The following SRGAP3 variants were observed in gnomAD, a reference collection of about 807,000 sequenced individuals.
The protein encoded by SRGAP3 is SLIT-ROBO Rho GTPase activating protein 3.
SRGAP3 carries 39 observed loss-of-function variants against 121.1 expected under a neutral mutation model. That is an observed-to-expected ratio of 0.32 (90% confidence interval 0.25 to 0.42). The LOEUF (loss-of-function observed/expected upper bound fraction) is 0.42, where lower values mean the gene tolerates loss of function less well. Ranked by LOEUF, SRGAP3 falls within the 10% of genes least tolerant of loss-of-function variation. The pLI, the probability that SRGAP3 is intolerant of heterozygous loss-of-function variation, is 1.00. For synonymous variants in SRGAP3, 601 were observed against 570.0 expected (o/e 1.05, Z -0.77); for missense variants, 1,213 against 1,470.6 (o/e 0.82, Z 2.86).
At chr3:9,227,215 T>A (rs1274097785) in intron 1 of SRGAP3, among the ~76,000 whole-genome samples, 1 of 152,208 alleles carries the variant, frequency 6.6e-6, no homozygotes, top group African/African-American at 2.4e-5. Flanking sequence ...CTCTTCATTT[T>A]TAAGTGTTGG....
chr3:9,261,368 T>C (rs1429093952), intron 3 of SRGAP3, among the ~76,000 whole-genome samples: 1 of 151,956 alleles, frequency 6.6e-6, no homozygotes, highest in Non-Finnish European at 1.5e-5. Context: ...TTAACAGAAG[T>C]AGGCTTCAGA....
chr3:9,270,968 G>A (rs1225376540), intron 3 of SRGAP3, among the ~76,000 whole-genome samples: 2 of 152,188 alleles, frequency 1.3e-5, no homozygotes, highest in Non-Finnish European at 2.9e-5. Flanking sequence ...CCCCTGCAGA[G>A]GATTTTTGTT....
intron 1 of SRGAP3, among the ~76,000 whole-genome samples, chr3:9,206,114 A>C (rs1952258636): frequency 6.6e-6 from 1 of 152,206 alleles, no homozygotes; most frequent in African/African-American, 2.4e-5. Context: ...AAATGGTGAA[A>C]ACTGTACATT....
intron 3 of SRGAP3, among the ~76,000 whole-genome samples, chr3:9,290,077 C>T (rs1189695570): frequency 6.6e-6 from 1 of 151,966 alleles, no homozygotes; most frequent in African/African-American, 2.4e-5. Flanking sequence ...TGCCACTGCA[C>T]TCCAGCCTGG....
chr3:9,329,887 C>T (rs1022894109), intron 2 of SRGAP3, among the ~76,000 whole-genome samples: 1 of 152,176 alleles, frequency 6.6e-6, no homozygotes, highest in Non-Finnish European at 1.5e-5. Flanking sequence ...AACAGAAGAG[C>T]AGTTGACATC....
chr3:9,197,141 A>G (rs1951942146), intron 1 of SRGAP3, among the ~76,000 whole-genome samples: 1 of 152,226 alleles, frequency 6.6e-6, no homozygotes, highest in Non-Finnish European at 1.5e-5. Flanking sequence ...GACAGGGTGT[A>G]CTGGCCTAAA....
intron 3 of SRGAP3, among the ~76,000 whole-genome samples, chr3:9,291,361 C>T (rs182065042): frequency 1.3e-5 from 2 of 152,296 alleles, no homozygotes; most frequent in African/African-American, 2.4e-5. Context: ...TAAGGTATCA[C>T]AAAATCCTGG....
At chr3:9,219,529 G>A (rs1339124825) in intron 1 of SRGAP3, 4 of 152,186 alleles carry the variant, frequency 2.6e-5, no homozygotes, top group Non-Finnish European at 5.9e-5. Context: ...CCTATCTACA[G>A]AATGGAATAC....
At chr3:9,054,086 C>T (rs759159031) in intron 8 of SRGAP3, among the ~76,000 whole-genome samples, 2 of 152,222 alleles carry the variant, frequency 1.3e-5, no homozygotes, top group African/African-American at 2.4e-5. Context: ...TTTCCAAGCT[C>T]ATTCATTTCT....
intron 1 of SRGAP3, among the ~76,000 whole-genome samples, chr3:9,126,265 G>A (rs564247965): frequency 1.9e-4 from 29 of 152,226 alleles, no homozygotes; most frequent in East Asian, 1.7e-3. Context: ...CTGCTCACTC[G>A]TCCAGAATCT....
At chr3:9,119,112 A>ATT (rs1948910638) in intron 2 of SRGAP3, among the ~76,000 whole-genome samples, 4 of 152,234 alleles carry the variant, frequency 2.6e-5, no homozygotes, top group Non-Finnish European at 5.9e-5. Flanking sequence ...AAAGGAGGAC[A>ATT]GACAAGTAAA....
chr3:9,144,891 A>G (rs545337287), intron 1 of SRGAP3, among the ~76,000 whole-genome samples: 244 of 152,364 alleles, frequency 1.6e-3, no homozygotes, highest in Non-Finnish European at 1.9e-3. Context: ...AGAGCATTAA[A>G]TGAGATAATG....
intron 9 of SRGAP3, among the ~76,000 whole-genome samples, chr3:9,052,474 T>C (rs1366657216): frequency 6.6e-6 from 1 of 152,154 alleles, no homozygotes; most frequent in African/African-American, 2.4e-5. Flanking sequence ...TAAGGTCCCT[T>C]ACAAACCTAA....
chr3:9,189,036 T>C (rs1445957681), intron 1 of SRGAP3, among the ~76,000 whole-genome samples: 4 of 152,186 alleles, frequency 2.6e-5, no homozygotes, highest in African/African-American at 9.6e-5. Flanking sequence ...GTCTTTGTCC[T>C]TTTTTTGTAG....
chr3:9,223,281 T>C (rs1399111828), intron 1 of SRGAP3, among the ~76,000 whole-genome samples: 5 of 152,198 alleles, frequency 3.3e-5, no homozygotes, highest in Non-Finnish European at 7.3e-5. Context: ...AAGCCTAAAA[T>C]GTTTATCACC....
intron 1 of SRGAP3, among the ~76,000 whole-genome samples, chr3:9,229,039 G>A (rs1279258511): frequency 1.4e-5 from 2 of 145,484 alleles, no homozygotes; most frequent in South Asian, 2.2e-4. Flanking sequence ...TCCGCAGTCC[G>A]GCCTGGGCGA....
chr3:9,222,322 G>C (rs1411020129), intron 1 of SRGAP3, among the ~76,000 whole-genome samples: 1 of 152,228 alleles, frequency 6.6e-6, no homozygotes, highest in African/African-American at 2.4e-5. Context: ...AAGACAAAAT[G>C]AGAGGAAGTG....
Position 9,212,637 on chromosome 3 carries a change from C to T in SRGAP3, c.67+36248G>A, listed in dbSNP as rs1952484343. On this transcript the variant is annotated intron_variant, in intron 1 of 21. Coordinates refer to ENST00000383836, the MANE Select transcript of SRGAP3 (RefSeq NM_014850.4). ...GGCTAAGGCAGGAGAATCACTTGAA[C>T]CAGGGAGTCAGAGGTTGCAGTGAGC... Among the ~76,000 whole-genome samples, 3 of 152,262 alleles carry T rather than the reference C, an allele frequency of 2.0e-5. No individual in the cohort carries two copies. In the South Asian group the frequency reaches 6.2e-4, roughly 32 times the overall value.
At chr3:9,127,594 C>T (rs988142085) in intron 1 of SRGAP3, among the ~76,000 whole-genome samples, 4 of 152,122 alleles carry the variant, frequency 2.6e-5, no homozygotes, top group Admixed American at 1.3e-4. Flanking sequence ...ACGACAGGTG[C>T]GCACCACCAC....
Sources: gnomAD v4.1 joint callset for allele counts (sites outside exome capture counted in the v4.1 genomes callset) on GRCh38, gnomAD v4.1.1 for gene constraint, MANE v1.5 for transcripts, NCBI Gene and HGNC (gene_info 2026-07-23, HGNC 2026-07-21) for gene names.